RBM24: variants seen among roughly 807,000 people sequenced by gnomAD.
RBM24 encodes the protein RNA binding motif protein 24.
RBM24 carries 5 observed loss-of-function variants against 23.6 expected under a neutral mutation model. The observed-to-expected ratio is 0.21, with a 90% CI of 0.11 to 0.45. The LOEUF (loss-of-function observed/expected upper bound fraction) is 0.45, where lower values mean the gene tolerates loss of function less well. Ranked by LOEUF, RBM24 falls within the 20% of genes least tolerant of loss-of-function variation. The pLI is 0.99. For synonymous variants in RBM24, 151 were observed against 129.5 expected (o/e 1.17, Z -1.13); for missense variants, 252 against 314.6 (o/e 0.80, Z 1.51).
chr6:17,286,267 C>G (rs770746696), intron 3 of RBM24, among the ~76,000 whole-genome samples: 17 of 147,718 alleles, frequency 1.2e-4, no homozygotes, highest in Admixed American at 3.4e-4. Flanking sequence ...TCCATAGCTA[C>G]TTAGCAAATC....
chr6:17,291,765 C>T lies in RBM24; in HGVS notation c.357C>T (p.Ala119=). Residue 119 remains alanine, a synonymous_variant, in exon 4 of 4, where the codon GCC becomes GCT. Transcript: ENST00000379052. ...ALIQRPFGIP[A]HYVYPQAFVQ... The stretch of plus-strand genomic sequence containing the variant: ...TTCCATTTCTCAACAGGATACCTGC[C>T]CACTATGTCTATCCGCAGGCTTTTG... 1 of 1,606,480 alleles carries T rather than the reference C, an allele frequency of 6.2e-7. No homozygotes were observed. Among genetic ancestry groups the T allele is most frequent in the Non-Finnish European group, 8.5e-7 (1 of 1,174,578 alleles).
rs1353089214 is a variant in RBM24 at position 17,281,886 on chromosome 6, G to A, written c.168+137G>A. ...GAGCGGCGCTGCCCCTTCGCTCCGGGGTGAACTGAAACTTTGCTAGGGGAG... is the reference window on the plus strand; with the variant it reads ...GAGCGGCGCTGCCCCTTCGCTCCGGAGTGAACTGAAACTTTGCTAGGGGAG... On this transcript the variant is annotated intron_variant, in intron 1 of 3. Transcript: ENST00000379052. The surrounding 1 kb of genome is among the most constrained non-coding windows in gnomAD (Gnocchi z 7.1). 7.3e-6 allele frequency: 10 copies of A among 1,365,824 alleles called. No homozygotes were observed. The highest frequency in any genetic ancestry group is 1.0e-5 in the Non-Finnish European group (10 of 1,004,818). The allele number at this position is 1,365,824 out of a possible 1,614,324, so 84.6% of individuals were successfully genotyped here.
chr6:17,286,156 C>A (rs926505858), intron 3 of RBM24, among the ~76,000 whole-genome samples: 4 of 150,310 alleles, frequency 2.7e-5, no homozygotes, highest in Admixed American at 2.0e-4. Context: ...TCTAACATAT[C>A]GGTACCTCAC....
intron 3 of RBM24, chr6:17,290,737 TA>T: frequency 1.4e-6 from 1 of 696,376 alleles, no homozygotes; most frequent in Non-Finnish European, 2.2e-6. Flanking sequence ...CCTTGTTATG[TA>T]AACCTTTTAA....
At chr6:17,290,113 C>T in intron 3 of RBM24, 1 of 1,282,704 alleles carries the variant, frequency 7.8e-7, no homozygotes, top group Non-Finnish European at 1.0e-6. Context: ...AGTCCACTAC[C>T]CTCTGAGATA....
Position 17,289,493 on chromosome 6 carries a change from TA to T in RBM24, c.348-2260del, listed in dbSNP as rs1297832653. On this transcript the variant is annotated intron_variant, in intron 3 of 3. Transcript: ENST00000379052. The stretch of plus-strand genomic sequence containing the variant: ...ATCAAAACTATTTCCTAATGCAAAG[TA>T]AATGCAGAGCTAAAGCCCCCTAAGC... The T allele has an allele frequency of 3.0e-6, 3 of 985,310 alleles. No individual in the cohort carries two copies. The African/African-American group carries it at 5.2e-5, about 17-fold the overall frequency. 61.0% of individuals were successfully genotyped at this position (985,310 alleles called of 1,614,324 possible). A position where few individuals can be genotyped will look rare whatever the true frequency, so the allele number is the denominator to read the frequency against.
At chr6:17,290,341 G>A (rs1760322098) in intron 3 of RBM24, among the ~76,000 whole-genome samples, 1 of 152,150 alleles carries the variant, frequency 6.6e-6, no homozygotes, top group African/African-American at 2.4e-5. Flanking sequence ...ATAAATATAG[G>A]GGGCTTTAAT....
At position 17,292,612 on chromosome 6, in the gene RBM24, T is replaced by C. The variant is rs955610141; in HGVS notation, c.*493T>C. 2.6e-5 allele frequency: 4 copies of C among 152,782 alleles called. No homozygotes were observed. Among genetic ancestry groups the C allele is most frequent in the African/African-American group, 7.2e-5 (3 of 41,458 alleles). The allele number at this position is 152,782 out of a possible 1,614,324, so 9.5% of individuals were successfully genotyped here. A position where few individuals can be genotyped will look rare whatever the true frequency, so the allele number is the denominator to read the frequency against. On this transcript the variant is annotated 3_prime_UTR_variant, in exon 4 of 4. Coordinates refer to ENST00000379052, the MANE Select transcript of RBM24 (RefSeq NM_001143942.2). The stretch of plus-strand genomic sequence containing the variant: ...ATTTTTAGCAGTCACTTAAGGCCTA[T>C]AGAACTTTTTTCAAGTCGGAAGGTC...
Position 17,291,978 on chromosome 6 carries a change from T to TG in RBM24, c.575dup (p.Tyr193LeufsTer53). The TG allele has an allele frequency of 6.2e-7, 1 of 1,610,288 alleles. No homozygotes were observed. Among genetic ancestry groups the TG allele is most frequent in the Non-Finnish European group, 8.5e-7 (1 of 1,179,276 alleles). On this transcript the variant is annotated frameshift_variant, in exon 4 of 4. Coordinates refer to ENST00000379052, the MANE Select transcript of RBM24 (RefSeq NM_001143942.2). LOFTEE classifies it high-confidence loss of function. ...CAGCTGCTGCAGGATATGTTACTGC[T>TG]GGGGGCTATGGCTACGCAGTCCAGC...
At chr6:17,286,624 AT>A (rs1465988229) in intron 3 of RBM24, among the ~76,000 whole-genome samples, 1 of 152,232 alleles carries the variant, frequency 6.6e-6, no homozygotes, top group African/African-American at 2.4e-5. Context: ...TACAAAAGGA[AT>A]TCAGAGTAGC....
chr6:17,289,326 G>A, intron 3 of RBM24: 1 of 985,356 alleles, frequency 1.0e-6, no homozygotes, highest in Non-Finnish European at 1.2e-6. Context: ...GGTCTTTCGG[G>A]TTCTCCTTTT....
rs1484657527 is a variant in RBM24, at chr6:17,293,410, AAG to A, written c.*1296_*1297del. On this transcript the variant is annotated 3_prime_UTR_variant, in exon 4 of 4. Coordinates refer to ENST00000379052, the MANE Select transcript of RBM24 (RefSeq NM_001143942.2). ...ATTTAAATTCATATGTGCACTGTATAAGAGAGTACTCTTACATTAACACATTT... is the reference window on the plus strand; with the variant it reads ...ATTTAAATTCATATGTGCACTGTATAAGAGTACTCTTACATTAACACATTT... The A allele has an allele frequency of 3.3e-5, 5 of 152,750 alleles. No homozygotes were observed. The highest frequency in any genetic ancestry group is 4.8e-5 in the African/African-American group (2 of 41,590). 9.5% of individuals were successfully genotyped at this position (152,750 alleles called of 1,614,324 possible). A position where few individuals can be genotyped will look rare whatever the true frequency, so the allele number is the denominator to read the frequency against.
Position 17,289,331 on chromosome 6 carries a change from C to G in RBM24, c.348-2425C>G, listed in dbSNP as rs149528814. The G allele has an allele frequency of 5.3e-3, 5,175 of 985,386 alleles. 17 individuals are homozygous for G. The highest frequency in any genetic ancestry group is 6.0e-3 in the Non-Finnish European group (4,939 of 829,924). 61.0% of individuals were successfully genotyped at this position (985,386 alleles called of 1,614,324 possible). On this transcript the variant is annotated intron_variant, in intron 3 of 3. Coordinates refer to ENST00000379052, the MANE Select transcript of RBM24 (RefSeq NM_001143942.2). ...GGCTCTCCAAGGTCTTTCGGGTTCT[C>G]CTTTTCCCTCTAAGCCTTAAAATGT...
Position 17,291,992 on chromosome 6 carries a change from A to G in RBM24, c.584A>G (p.Tyr195Cys), listed in dbSNP as rs1290200424. The change falls in exon 4 of 4, where the codon TAC (tyrosine) becomes TGC (cysteine). Residue 195 changes from tyrosine to cysteine, a missense_variant. Tyr to Cys is a radical substitution (Grantham distance 194). Coordinates refer to ENST00000379052, the MANE Select transcript of RBM24 (RefSeq NM_001143942.2). ...TATGTTACTGCTGGGGGCTATGGCTACGCAGTCCAGCAGCCAATCACCGCA... is the reference window on the plus strand; with the variant it reads ...TATGTTACTGCTGGGGGCTATGGCTGCGCAGTCCAGCAGCCAATCACCGCA... ...AGYVTAGGYG[Y>C]AVQQPITAAA... 1 of 1,608,760 alleles carries G rather than the reference A, an allele frequency of 6.2e-7. No homozygotes were observed.
At chr6:17,290,603 A>T (rs1046459431) in intron 3 of RBM24, among the ~76,000 whole-genome samples, 1 of 152,204 alleles carries the variant, frequency 6.6e-6, no homozygotes, top group Non-Finnish European at 1.5e-5. Flanking sequence ...ATAACACATG[A>T]TTATACAATT....
intron 3 of RBM24, among the ~76,000 whole-genome samples, chr6:17,287,881 A>G (rs1239489137): frequency 6.6e-6 from 1 of 152,030 alleles, no homozygotes; most frequent in Admixed American, 6.5e-5. Context: ...ACATTGACTC[A>G]GTACCCCTTT....
chr6:17,285,031 T>C (rs942032245), intron 3 of RBM24: 3 of 204,246 alleles, frequency 1.5e-5, no homozygotes, highest in Non-Finnish European at 2.9e-5. Context: ...TCAATTTTAT[T>C]TATCTCTTTC....
At position 17,281,510 on chromosome 6, in the gene RBM24, CGGA is replaced by C. The variant is rs965659096; in HGVS notation, c.-63_-61del. 2 of 1,370,190 alleles carry C rather than the reference CGGA, an allele frequency of 1.5e-6. No homozygotes were observed. Among genetic ancestry groups the C allele is most frequent in the East Asian group, 3.2e-5 (1 of 31,442 alleles). The allele number at this position is 1,370,190 out of a possible 1,614,324, so 84.9% of individuals were successfully genotyped here. A position where few individuals can be genotyped will look rare whatever the true frequency, so the allele number is the denominator to read the frequency against. ...CGAAAGGGTGCGGGAGACGCGGAGC[CGGA>C]GGAGGAGGCGCAGCCGCTGCCCGAG... On this transcript the variant is annotated 5_prime_UTR_variant, in exon 1 of 4. Coordinates refer to ENST00000379052, the MANE Select transcript of RBM24 (RefSeq NM_001143942.2). This position sits in a 1 kb window ranked among gnomAD's most constrained non-coding sequence, Gnocchi z 7.1.
At chr6:17,282,731 A>T in intron 1 of RBM24, 74 bp from the exon 2 acceptor site, 1 of 1,591,040 alleles carries the variant, frequency 6.3e-7, no homozygotes, top group African/African-American at 1.4e-5. Flanking sequence ...TGACTTCTCC[A>T]TTGTGATTCT....
Sources: gnomAD v4.1 joint callset for allele counts (sites outside exome capture counted in the v4.1 genomes callset) on GRCh38, gnomAD v4.1.1 for gene constraint, Gnocchi (gnomAD v3.1) non-coding constraint, MANE v1.5 for transcripts, NCBI Gene and HGNC (gene_info 2026-07-23, HGNC 2026-07-21) for gene names.